The following F11 variants were observed in gnomAD, a reference collection of about 807,000 sequenced individuals.
F11 encodes coagualtion factor XI.
A neutral mutation model predicts 76.5 loss-of-function variants in F11; 78 were observed. The observed-to-expected ratio is 1.02, with a 90% confidence interval of 0.85 to 1.23. F11 has a LOEUF of 1.23. F11 is among the 50% of genes most tolerant of loss of function. F11 has a pLI of 0.00. For missense variants in F11, 742 were observed against 771.4 expected (o/e 0.96, Z 0.45); for synonymous variants, 278 against 276.3 (o/e 1.01, Z -0.06).
intron 7 of F11, among the ~76,000 whole-genome samples, chr4:186,279,676 G>A (rs1740639882): frequency 6.6e-6 from 1 of 152,152 alleles, no homozygotes; most frequent in African/African-American, 2.4e-5. Context: ...GAGGTTTCTA[G>A]GTAGCATGAA....
chr4:186,268,413 A>G (rs930757459), intron 2 of F11, among the ~76,000 whole-genome samples: 1 of 152,200 alleles, frequency 6.6e-6, no homozygotes, highest in Non-Finnish European at 1.5e-5. Context: ...GATAGTGTAC[A>G]TATTTAGGTC....
intron 10 of F11, chr4:186,283,020 G>C: frequency 1.0e-6 from 1 of 985,334 alleles, no homozygotes; most frequent in Non-Finnish European, 1.2e-6. Flanking sequence ...CCTTAGCTCA[G>C]GACGCGGAGC....
In F11 at chr4:186,289,434, G is replaced by A. The variant is rs1187196904; in HGVS notation, c.*820G>A. Among the ~76,000 whole-genome samples, 2 of 152,166 alleles carry A rather than the reference G, an allele frequency of 1.3e-5. No individual in the cohort carries two copies. Among genetic ancestry groups the A allele is most frequent in the Non-Finnish European group, 2.9e-5 (2 of 68,030 alleles). ...CTATGGGCTCCCAAAGAGCTAGATC[G>A]TATATTTATTTGACAAAAATCACCA... On this transcript the variant is annotated 3_prime_UTR_variant, in exon 15 of 15. Coordinates refer to ENST00000403665, the MANE Select transcript of F11 (RefSeq NM_000128.4).
chr4:186,278,658 G>A (rs1346699712), intron 7 of F11, among the ~76,000 whole-genome samples: 1 of 152,172 alleles, frequency 6.6e-6, no homozygotes, highest in Non-Finnish European at 1.5e-5. Flanking sequence ...ATGACAGAAT[G>A]TGGAGGATTT....
chr4:186,288,203 C>T (rs890734320), intron 14 of F11, among the ~76,000 whole-genome samples: 5 of 152,070 alleles, frequency 3.3e-5, no homozygotes, highest in Admixed American at 1.3e-4. Flanking sequence ...TGAGCCACCG[C>T]GCCGGGCCGC....
Position 186,280,023 on chromosome 4 carries a change from T to C in F11, c.767T>C (p.Leu256Pro). 1 of 1,613,336 alleles carries C rather than the reference T, an allele frequency of 6.2e-7. No homozygotes were observed. The highest frequency in any genetic ancestry group is 8.5e-7 in the Non-Finnish European group (1 of 1,179,250). ...TTTGTTTTTGTTAGAAATCTTTGTC[T>C]CCTTAAAACATCTGAGAGTGGATTG... is the stretch of plus-strand genomic sequence containing the variant. The part of the protein sequence containing the change: ...WPKESQRNLC[L>P]LKTSESGLPS... Residue 256 changes from leucine to proline, a missense_variant, in exon 8 of 15, where the codon CTC (leucine) becomes CCC (proline). Coordinates refer to ENST00000403665, the MANE Select transcript of F11 (RefSeq NM_000128.4).
intron 13 of F11, among the ~76,000 whole-genome samples, chr4:186,286,873 G>T (rs899729420): frequency 6.6e-6 from 1 of 152,168 alleles, no homozygotes; most frequent in African/African-American, 2.4e-5. Context: ...AATGGTACAC[G>T]CAATAGTGGG....
chr4:186,267,358 G>A (rs1249198281), intron 2 of F11, among the ~76,000 whole-genome samples, 167 bp downstream of exon 2: 4 of 152,124 alleles, frequency 2.6e-5, no homozygotes, highest in Non-Finnish European at 5.9e-5. Flanking sequence ...AGGAATTGAG[G>A]TGAAAAAATT....
intron 10 of F11, among the ~76,000 whole-genome samples, chr4:186,283,624 C>G (rs1157790873): frequency 6.6e-6 from 1 of 152,190 alleles, no homozygotes; most frequent in Non-Finnish European, 1.5e-5. Context: ...GGGCAAGGTG[C>G]TTGCCTTTTC....
chr4:186,284,331 G>T, intron 11 of F11, 71 bp downstream of exon 11: 1 of 1,353,502 alleles, frequency 7.4e-7, no homozygotes, highest in South Asian at 1.2e-5. Context: ...TAGCATGTTA[G>T]GAAATAAATA....
At chr4:186,280,614 A>C (rs1182157908) in intron 10 of F11, 34 bp downstream of exon 10, 1 of 1,471,468 alleles carries the variant, frequency 6.8e-7, no homozygotes, top group South Asian at 1.1e-5. Flanking sequence ...AATATAGCTG[A>C]AGGAATTATT....
chr4:186,271,307 G>T (rs553925232), intron 2 of F11, among the ~76,000 whole-genome samples: 1 of 152,174 alleles, frequency 6.6e-6, no homozygotes, highest in Non-Finnish European at 1.5e-5. Flanking sequence ...CTAAAAAGCA[G>T]CAGCTTTTGC....
rs189795153 is a variant in F11, at chr4:186,286,238, C to T, written c.1481-177C>T. On this transcript the variant is annotated intron_variant, in intron 12 of 14. Transcript: ENST00000403665. ...GCTTGTCTCTCTCTCGCCCTCTCAT[C>T]CTGGCACATGTGCGATATCGTGCTG... The T allele has an allele frequency of 1.8e-3, 1,122 of 625,892 alleles. 18 individuals carry two copies. The highest frequency in any genetic ancestry group is 9.3e-3 in the South Asian group (527 of 56,548). The allele number at this position is 625,892 out of a possible 1,614,324, so 38.8% of individuals were successfully genotyped here.
At chr4:186,268,264 A>G (rs1157999974) in intron 2 of F11, among the ~76,000 whole-genome samples, 1 of 152,206 alleles carries the variant, frequency 6.6e-6, no homozygotes, top group East Asian at 1.9e-4. Context: ...AGTAATCTAG[A>G]GATGATTTAA....
At position 186,280,282 on chromosome 4, in the gene F11, G is replaced by C; in HGVS notation, c.925G>C (p.Val309Leu). Residue 309 changes from valine (V) to leucine (L), a missense_variant, in exon 9 of 15, where the codon GTT (valine) becomes CTT (leucine). Val to Leu is a conservative substitution (Grantham distance 32). Transcript: ENST00000403665. Reference protein sequence around the residue: ...TDFLGEELDIVAAKSHEACQK... With the variant: ...TDFLGEELDILAAKSHEACQK... ...TTTCTTGGGAGAAGAACTGGATATT[G>C]TTGCTGCAAAAAGTCACGAGGCCTG... 6.2e-7 allele frequency: 1 copy of C among 1,614,178 alleles called. No individual in the cohort carries two copies. Among genetic ancestry groups the C allele is most frequent in the Non-Finnish European group, 8.5e-7 (1 of 1,180,040 alleles).
At chr4:186,270,257 T>C (rs935346602) in intron 2 of F11, among the ~76,000 whole-genome samples, 1 of 152,160 alleles carries the variant, frequency 6.6e-6, no homozygotes, top group Non-Finnish European at 1.5e-5. Context: ...GATGAACTAG[T>C]TTTTACTGAC....
At chr4:186,277,983 G>C (rs1740508917) in intron 7 of F11, among the ~76,000 whole-genome samples, 1 of 152,070 alleles carries the variant, frequency 6.6e-6, no homozygotes, top group South Asian at 2.1e-4. Flanking sequence ...TTTTTTTGTA[G>C]AGACAGAGTT....
chr4:186,273,216 A>G (rs753287914), intron 4 of F11, 39 bp downstream of exon 4: 7 of 1,434,102 alleles, frequency 4.9e-6, no homozygotes, highest in Non-Finnish European at 6.9e-6. Context: ...ACCAGCTGTG[A>G]TGTACACATA....
At chr4:186,280,621 T>C in intron 10 of F11, 41 bp downstream of exon 10, 2 of 1,296,428 alleles carry the variant, frequency 1.5e-6, no homozygotes, top group Non-Finnish European at 1.1e-6. Flanking sequence ...CTGAAGGAAT[T>C]ATTCCATGCT....
Sources: gnomAD v4.1 joint callset for allele counts (sites outside exome capture counted in the v4.1 genomes callset) on GRCh38, gnomAD v4.1.1 for gene constraint, MANE v1.5 for transcripts, NCBI Gene and HGNC (gene_info 2026-07-23, HGNC 2026-07-21) for gene names.